The following TGIF1 variants were observed in gnomAD, a reference collection of about 807,000 sequenced individuals.
TGIF1 encodes TGFB induced factor homeobox 1, also known as homeobox protein TGIF1.
TGIF1 carries 4 observed loss-of-function variants against 19.3 expected under a neutral mutation model. The ratio of observed to expected loss-of-function variants is 0.21; its 90% confidence interval spans 0.10 to 0.47. The LOEUF (loss-of-function observed/expected upper bound fraction) is 0.47, where lower values mean the gene tolerates loss of function less well. Among genes scored for constraint, TGIF1 ranks in the 20% least tolerant of loss-of-function variants. The pLI is 0.98. For synonymous variants in TGIF1, 122 were observed against 129.3 expected (o/e 0.94, Z 0.38); for missense variants, 275 against 341.4 (o/e 0.81, Z 1.53).
chr18:3,448,753 G>A (rs546307372), upstream of TGIF1, among the ~76,000 whole-genome samples: 2 of 138,496 alleles, frequency 1.4e-5, no homozygotes, highest in Non-Finnish European at 3.0e-5. Flanking sequence ...GAGGGTGGCA[G>A]GCTAGCTCTA....
At chr18:3,447,880 A>C (rs2082772442), upstream of TGIF1, 74 of 1,574,868 alleles carry the variant, frequency 4.7e-5, no homozygotes, top group Non-Finnish European at 6.2e-5. Context: ...TTCTCCTGGA[A>C]AGTTTGTTTT....
At chr18:3,417,484 A>G (rs2082348485) in intron 1 of TGIF1, among the ~76,000 whole-genome samples, 1 of 152,192 alleles carries the variant, frequency 6.6e-6, no homozygotes, top group African/African-American at 2.4e-5. Flanking sequence ...ATTCTACTAC[A>G]TCCAGAGAAA....
chr18:3,423,415 C>T (rs1459140852), intron 2 of TGIF1, among the ~76,000 whole-genome samples: 1 of 152,080 alleles, frequency 6.6e-6, no homozygotes, highest in African/African-American at 2.4e-5. Flanking sequence ...CGCAGTGGCT[C>T]ACGCTTGTAA....
chr18:3,413,743 CA>C (rs1228838520), intron 1 of TGIF1, among the ~76,000 whole-genome samples: 1 of 152,094 alleles, frequency 6.6e-6, no homozygotes, highest in East Asian at 1.9e-4. Flanking sequence ...TTTCTGATTA[CA>C]AATGAGACTT....
At chr18:3,445,264 C>A (rs1178808891), upstream of TGIF1, among the ~76,000 whole-genome samples, 1 of 152,052 alleles carries the variant, frequency 6.6e-6, no homozygotes, top group East Asian at 1.9e-4. Context: ...AGGAACATCC[C>A]GGGCAGAGGG....
chr18:3,449,428 C>A (rs1006802211), upstream of TGIF1: 33 of 985,306 alleles, frequency 3.3e-5, no homozygotes, highest in Non-Finnish European at 3.9e-5. Context: ...GTGAGCGTGA[C>A]AAGTGTCTGT....
At chr18:3,422,288 T>A (rs2082409517) in intron 2 of TGIF1, among the ~76,000 whole-genome samples, 2 of 130,042 alleles carry the variant, frequency 1.5e-5, no homozygotes, top group African/African-American at 3.2e-5. Context: ...AACAAAAAGT[T>A]TAAAAAGTAA....
At chr18:3,417,847 C>T (rs1428396180) in intron 1 of TGIF1, among the ~76,000 whole-genome samples, 2 of 152,046 alleles carry the variant, frequency 1.3e-5, no homozygotes, top group African/African-American at 4.8e-5. Context: ...GCCTGTAACC[C>T]TAGCACTTTG....
intron 2 of TGIF1, among the ~76,000 whole-genome samples, chr18:3,422,173 G>A (rs1206171486): frequency 3.9e-5 from 5 of 129,014 alleles, no homozygotes; most frequent in African/African-American, 1.5e-4. Flanking sequence ...CAGCCTGGGC[G>A]ACAGAGTGAG....
intron 1 of TGIF1, chr18:3,452,271 C>G (rs543310164): frequency 3.1e-6 from 5 of 1,610,394 alleles, no homozygotes; most frequent in East Asian, 4.5e-5. Flanking sequence ...CTCCCCGGAG[C>G]TGGGGACCAA....
At chr18:3,448,339 A>G (rs988913860), upstream of TGIF1, 1 of 985,292 alleles carries the variant, frequency 1.0e-6, no homozygotes, top group African/African-American at 1.7e-5. Context: ...ACAACCCTTC[A>G]AACGAAATAG....
chr18:3,450,467 C>A lies in TGIF1; in HGVS notation c.-23C>A. On this transcript the variant is annotated 5_prime_UTR_variant, in exon 1 of 3. Coordinates refer to ENST00000343820, the MANE Select transcript of TGIF1 (RefSeq NM_003244.4). ...GCCCCTCCAGACCCCCGCCTTGCCT[C>A]GCGCTGGGAGGGGAGATCCAGAATG... 1 of 1,556,794 alleles carries A rather than the reference C, an allele frequency of 6.4e-7. No homozygotes were observed. The highest frequency in any genetic ancestry group is 2.4e-5 in the East Asian group (1 of 41,212).
chr18:3,436,885 ATT>A (rs1206327757), intron 2 of TGIF1, among the ~76,000 whole-genome samples: 10 of 151,812 alleles, frequency 6.6e-5, no homozygotes, highest in Admixed American at 2.0e-4. Flanking sequence ...TGGGTGGATC[ATT>A]CCAGGTCAGG....
At chr18:3,423,683 CA>C (rs900658408) in intron 2 of TGIF1, among the ~76,000 whole-genome samples, 18 of 144,908 alleles carry the variant, frequency 1.2e-4, no homozygotes, top group African/African-American at 3.3e-4. Context: ...ACTCCCATCT[CA>C]AAAAAAAAAG....
Position 3,451,889 on chromosome 18 carries a change from C to G in TGIF1, c.16+1384C>G. On this transcript the variant is annotated intron_variant, in intron 1 of 2. Transcript: ENST00000343820. This position sits in a 1 kb window ranked among gnomAD's most constrained non-coding sequence, Gnocchi z 5.4. ...CCGAGACGCCCCGTGAAAGCCGTGC[C>G]GACCCTTGGGAGGACTGACAGGTCT... 6.8e-7 allele frequency: 1 copy of G among 1,464,072 alleles called. No homozygotes were observed. 90.7% of individuals were successfully genotyped at this position (1,464,072 alleles called of 1,614,324 possible).
chr18:3,456,407 C>G lies in TGIF1; in HGVS notation c.70C>G (p.Pro24Ala), dbSNP rs1427572371. 5.6e-6 allele frequency: 9 copies of G among 1,614,102 alleles called. No individual in the cohort carries two copies. Among genetic ancestry groups the G allele is most frequent in the Non-Finnish European group, 7.6e-6 (9 of 1,180,058 alleles). ...TGAGGATGAGGACAGCATGGACATT[C>G]CCTTGGACCTTTCTTCATCCGCTGG... ...ETEDEDSMDI[P>A]LDLSSSAGSG... Residue 24 changes from proline (P) to alanine (A), a missense_variant, in exon 2 of 3, where the codon CCC becomes GCC. Pro to Ala is a conservative substitution (Grantham distance 27). Transcript: ENST00000343820. The surrounding 1 kb of genome is among the most constrained non-coding windows in gnomAD (Gnocchi z 4.2).
intron 2 of TGIF1, among the ~76,000 whole-genome samples, chr18:3,426,189 G>A (rs1348192408): frequency 2.3e-5 from 2 of 85,296 alleles, no homozygotes; most frequent in Admixed American, 2.2e-4. Flanking sequence ...TTTTTTTTGA[G>A]ACAGGGTCTT....
At chr18:3,432,698 G>A (rs1315644268) in intron 2 of TGIF1, among the ~76,000 whole-genome samples, 1 of 152,076 alleles carries the variant, frequency 6.6e-6, no homozygotes, top group African/African-American at 2.4e-5. Flanking sequence ...CAAATCTGGG[G>A]AATCTGGATG....
chr18:3,451,571 G>T lies in TGIF1; in HGVS notation c.16+1066G>T, dbSNP rs1180105923. On this transcript the variant is annotated intron_variant, in intron 1 of 2. Transcript: ENST00000343820. This position sits in a 1 kb window ranked among gnomAD's most constrained non-coding sequence, Gnocchi z 5.4. ...GCGGCGCTACTGCGCATGCCCGGGA[G>T]CCGCCTGGAGTTTGGAACTCCACAT... 2.0e-6 allele frequency: 2 copies of T among 1,020,606 alleles called. No individual in the cohort carries two copies. Among genetic ancestry groups the T allele is most frequent in the Non-Finnish European group, 2.3e-6 (2 of 853,902 alleles). The allele number at this position is 1,020,606 out of a possible 1,614,324, so 63.2% of individuals were successfully genotyped here.
Sources: allele counts gnomAD v4.1 joint callset (sites outside exome capture counted in the v4.1 genomes callset), GRCh38; gene constraint gnomAD v4.1.1; non-coding constraint Gnocchi (gnomAD v3.1); transcripts MANE v1.5; gene names NCBI Gene and HGNC (gene_info 2026-07-23, HGNC 2026-07-21).